The following MAN1A2 variants were observed in gnomAD, a reference collection of about 807,000 sequenced individuals.
The protein encoded by MAN1A2 is mannosyl-oligosaccharide 1,2-alpha-mannosidase IB.
A neutral mutation model predicts 75.7 loss-of-function variants in MAN1A2; 26 were observed. That is an observed-to-expected ratio of 0.34 (90% confidence interval 0.25 to 0.48). The LOEUF is 0.48. MAN1A2 is among the 20% of genes least tolerant of loss of function. The probability of loss-of-function intolerance (pLI) is 0.99; values close to 1 mark genes in which losing one functional copy is unlikely to be tolerated. For synonymous variants in MAN1A2, 247 were observed against 264.6 expected, an observed-to-expected ratio of 0.93 and a Z score of 0.65; for missense variants, 562 against 775.5, an observed-to-expected ratio of 0.72 and a Z score of 3.27.
chr1:117,399,346 G>T (rs990750825), intron 1 of MAN1A2, among the ~76,000 whole-genome samples: 2 of 152,336 alleles, frequency 1.3e-5, no homozygotes, highest in South Asian at 2.1e-4. Flanking sequence ...GGATAATGTG[G>T]TACGTGGAGA....
chr1:117,486,706 A>G (rs897122965), intron 8 of MAN1A2, among the ~76,000 whole-genome samples: 1 of 152,018 alleles, frequency 6.6e-6, no homozygotes, highest in African/African-American at 2.4e-5. Flanking sequence ...AAAATTTGAG[A>G]GAAAATAATA....
chr1:117,403,427 T>C (rs1647507896), intron 2 of MAN1A2, among the ~76,000 whole-genome samples: 1 of 152,066 alleles, frequency 6.6e-6, no homozygotes, highest in Non-Finnish European at 1.5e-5. Context: ...CAGTGATAGA[T>C]TTTTTTTCAG....
intron 1 of MAN1A2, 103 bp from the exon 2 acceptor site, chr1:117,402,083 A>G (rs1448406401): frequency 1.7e-6 from 2 of 1,199,560 alleles, no homozygotes; most frequent in East Asian, 4.8e-5. Flanking sequence ...AAAGTAGAAA[A>G]CAAGTTCCTG....
At chr1:117,500,429 C>G (rs953300450) in intron 11 of MAN1A2, among the ~76,000 whole-genome samples, 1 of 151,856 alleles carries the variant, frequency 6.6e-6, no homozygotes. Flanking sequence ...GAATTCCTTA[C>G]AGAACTGCTA....
In MAN1A2 at chr1:117,526,868, CTCTCTCTCTCTCTA is replaced by C. The variant is rs1227785423; in HGVS notation, c.*3913_*3926del. 3.7e-3 allele frequency: 345 copies of C among 94,208 alleles called. 1 individual carries two copies. The highest frequency in any genetic ancestry group is 8.5e-3 in the African/African-American group (204 of 24,076). 5.8% of individuals were successfully genotyped at this position (94,208 alleles called of 1,614,324 possible). A position where few individuals can be genotyped will look rare whatever the true frequency, so the allele number is the denominator to read the frequency against. ...TCTCTCTCTCTCTCTCTCTCTCTCT[CTCTCTCTCTCTCTA>C]TATATATATATATATATATATATAT... On this transcript the variant is annotated 3_prime_UTR_variant, in exon 13 of 13. Coordinates refer to ENST00000356554, the MANE Select transcript of MAN1A2 (RefSeq NM_006699.5).
chr1:117,398,356 G>T (rs906714007), intron 1 of MAN1A2, among the ~76,000 whole-genome samples: 19 of 152,238 alleles, frequency 1.2e-4, no homozygotes, highest in Middle Eastern at 3.4e-3. Context: ...CTATTGATGG[G>T]AAAGAAAATG....
chr1:117,487,669 G>A (rs1488505090), intron 8 of MAN1A2, among the ~76,000 whole-genome samples: 1 of 151,932 alleles, frequency 6.6e-6, no homozygotes, highest in Non-Finnish European at 1.5e-5. Flanking sequence ...TGTCATAGTT[G>A]TTTTGATATA....
At position 117,527,401 on chromosome 1, in the gene MAN1A2, T is replaced by A. The variant is rs1321293239; in HGVS notation, c.*4444T>A. On this transcript the variant is annotated 3_prime_UTR_variant, in exon 13 of 13. Transcript: ENST00000356554. Reference sequence around the variant, plus strand: ...CCCAAGTTTATTTTGTGTTAGACCCTCTAACCTTTGATCTGCGTCTTTTCT... The same window carrying A: ...CCCAAGTTTATTTTGTGTTAGACCCACTAACCTTTGATCTGCGTCTTTTCT... The A allele has an allele frequency of 6.6e-6, 1 of 152,026 alleles. No homozygotes were observed. Among genetic ancestry groups the A allele is most frequent in the Non-Finnish European group, 1.5e-5 (1 of 67,910 alleles). 9.4% of individuals were successfully genotyped at this position (152,026 alleles called of 1,614,324 possible).
At chr1:117,431,763 A>G (rs1004557726) in intron 5 of MAN1A2, among the ~76,000 whole-genome samples, 1 of 152,182 alleles carries the variant, frequency 6.6e-6, no homozygotes, top group African/African-American at 2.4e-5. Context: ...AGCCTCGGCA[A>G]ACATGGCAAA....
intron 1 of MAN1A2, among the ~76,000 whole-genome samples, chr1:117,372,172 A>T (rs1008066693): frequency 2.0e-5 from 3 of 152,192 alleles, no homozygotes; most frequent in Admixed American, 2.0e-4. Flanking sequence ...TACTTACTGG[A>T]TGGTAAGAAG....
intron 10 of MAN1A2, among the ~76,000 whole-genome samples, chr1:117,498,800 C>CTGCT (rs1651110080): frequency 6.6e-6 from 1 of 151,878 alleles, no homozygotes; most frequent in Non-Finnish European, 1.5e-5. Flanking sequence ...ATTATATCCT[C>CTGCT]TGCTGTGTTT....
In MAN1A2 at chr1:117,420,345, C is replaced by T. The variant is rs537570148; in HGVS notation, c.775-224C>T. ...ACTGTGTAAGGTACATAAAAAATGG[C>T]TTGTTGGTTTCAGGAATTAGGGAGC... On this transcript the variant is annotated intron_variant, in intron 4 of 12. Transcript: ENST00000356554. Among the ~76,000 whole-genome samples, 4 of 152,034 alleles carry T rather than the reference C, an allele frequency of 2.6e-5. No individual in the cohort carries two copies. In the East Asian group the frequency reaches 7.7e-4, roughly 29 times the overall value.
At chr1:117,387,215 G>A (rs1227949706) in intron 1 of MAN1A2, among the ~76,000 whole-genome samples, 1 of 101,482 alleles carries the variant, frequency 9.9e-6, no homozygotes, top group East Asian at 2.4e-4. Context: ...GATGGCTGTT[G>A]TAAAAAAAAA....
chr1:117,382,365 G>A (rs895584982), intron 1 of MAN1A2, among the ~76,000 whole-genome samples: 7 of 152,254 alleles, frequency 4.6e-5, no homozygotes, highest in African/African-American at 1.7e-4. Context: ...TGTATAAGGT[G>A]TAAGGAAGGG....
intron 11 of MAN1A2, among the ~76,000 whole-genome samples, chr1:117,502,380 A>T (rs1213489507): frequency 6.6e-6 from 1 of 151,728 alleles, no homozygotes; most frequent in African/African-American, 2.4e-5. Context: ...TATGGTATGT[A>T]TTTAGTAAAT....
intron 1 of MAN1A2, among the ~76,000 whole-genome samples, chr1:117,377,363 C>T (rs1398368866): frequency 5.3e-5 from 8 of 152,080 alleles, no homozygotes; most frequent in African/African-American, 2.4e-5. Flanking sequence ...TCTTCAGTGC[C>T]GTTGGTGTAA....
chr1:117,373,804 T>C (rs1468293603), intron 1 of MAN1A2, among the ~76,000 whole-genome samples: 5 of 152,184 alleles, frequency 3.3e-5, no homozygotes, highest in Admixed American at 6.5e-5. Context: ...GAATCTTATT[T>C]TTATCGATAT....
chr1:117,498,473 T>C (rs183239384), intron 10 of MAN1A2, among the ~76,000 whole-genome samples: 2 of 152,016 alleles, frequency 1.3e-5, no homozygotes, highest in African/African-American at 4.8e-5. Context: ...TAGATGCTTA[T>C]AGGTTAAAGT....
rs761696358 is a variant in MAN1A2, at chr1:117,499,513, C to T, written c.1636C>T (p.His546Tyr). ...ETYWYLWRFT[H>Y]DPRYRQWGWE... is the part of the protein sequence containing the mutation. Reference sequence around the variant, plus strand: ...CTATTGGTACCTATGGCGATTCACTCACGATCCAAGATACAGGCAGTGGGG... The same window carrying T: ...CTATTGGTACCTATGGCGATTCACTTACGATCCAAGATACAGGCAGTGGGG... Residue 546 changes from histidine to tyrosine, a missense_variant, in exon 11 of 13, where the codon CAC (histidine) becomes TAC (tyrosine). Physicochemically the swap from His to Tyr is moderately conservative, Grantham distance 83. This residue lies in a region of MAN1A2 where 434 missense variants were observed against 645.7 expected (regional missense o/e 0.67). Coordinates refer to ENST00000356554, the MANE Select transcript of MAN1A2 (RefSeq NM_006699.5). 2 of 1,608,322 alleles carry T rather than the reference C, an allele frequency of 1.2e-6. No homozygotes were observed. Among genetic ancestry groups the T allele is most frequent in the South Asian group, 2.2e-5 (2 of 90,444 alleles).
Sources: gnomAD v4.1 joint callset for allele counts (sites outside exome capture counted in the v4.1 genomes callset) on GRCh38, gnomAD v4.1.1 for gene constraint, gnomAD v4.1.1 regional missense constraint, MANE v1.5 for transcripts, NCBI Gene and HGNC (gene_info 2026-07-23, HGNC 2026-07-21) for gene names.